FZD7: variants seen among roughly 807,000 people sequenced by gnomAD.
The protein encoded by FZD7 is frizzled-7.
A neutral mutation model predicts 39.0 loss-of-function variants in FZD7; 21 were observed. The ratio of observed to expected loss-of-function variants is 0.54; its 90% confidence interval spans 0.38 to 0.78. The LOEUF (loss-of-function observed/expected upper bound fraction) is 0.78. Among genes scored for constraint, FZD7 ranks in the 30% least tolerant of loss-of-function variants. FZD7 has a pLI of 0.00. For missense variants in FZD7, 695 were observed against 805.0 expected, an observed-to-expected ratio of 0.86 and a Z score of 1.65; for synonymous variants, 428 against 364.9, an observed-to-expected ratio of 1.17 and a Z score of -1.97.
chr2:202,035,167 G>A lies in FZD7; in HGVS notation c.520G>A (p.Gly174Ser). ...NTSDGSGGPG[G>S]GPTAYPTAPY... ...GTCGGACGGCTCCGGGGGCCCAGGC[G>A]GCGGCCCCACTGCCTACCCTACCGC... The change falls in exon 1 of 1, where the codon GGC becomes AGC. Residue 174 changes from glycine (G) to serine (S), a missense_variant. Transcript: ENST00000286201. The A allele has an allele frequency of 1.9e-6, 3 of 1,601,556 alleles. No homozygotes were observed. Among genetic ancestry groups the A allele is most frequent in the Non-Finnish European group, 2.5e-6 (3 of 1,179,374 alleles).
Position 202,037,175 on chromosome 2 carries a change from C to A in FZD7, c.*803C>A, listed in dbSNP as rs919895512. 9 of 167,012 alleles carry A rather than the reference C, an allele frequency of 5.4e-5. No homozygotes were observed. Among genetic ancestry groups the A allele is most frequent in the Admixed American group, 1.3e-4 (2 of 15,266 alleles). 10.3% of individuals were successfully genotyped at this position (167,012 alleles called of 1,614,324 possible). ...GACGGGTGTTTTATTTGGTCTAATA[C>A]CCTGAAAAGAAGTGATGACTTGTTG... On this transcript the variant is annotated 3_prime_UTR_variant, in exon 1 of 1. Transcript: ENST00000286201.
chr2:202,036,688 T>G lies in FZD7; in HGVS notation c.*316T>G. ...AGGTTGAGACCAGCAGAGACTGCTGTGAGTTTCTCCCGGCTCCGAGGCTGA... is the reference window on the plus strand; with the variant it reads ...AGGTTGAGACCAGCAGAGACTGCTGGGAGTTTCTCCCGGCTCCGAGGCTGA... On this transcript the variant is annotated 3_prime_UTR_variant, in exon 1 of 1. Coordinates refer to ENST00000286201, the MANE Select transcript of FZD7 (RefSeq NM_003507.2). 1 of 352,278 alleles carries G rather than the reference T, an allele frequency of 2.8e-6. No individual in the cohort carries two copies. Among genetic ancestry groups the G allele is most frequent in the East Asian group, 6.3e-5 (1 of 15,910 alleles). The allele number at this position is 352,278 out of a possible 1,614,324, so 21.8% of individuals were successfully genotyped here. A position where few individuals can be genotyped will look rare whatever the true frequency, so the allele number is the denominator to read the frequency against.
rs758853443 is a variant in FZD7, at chr2:202,036,276, C to T, written c.1629C>T (p.Thr543=). 1 of 1,613,382 alleles carries T rather than the reference C, an allele frequency of 6.2e-7. No individual in the cohort carries two copies. The highest frequency in any genetic ancestry group is 8.5e-7 in the Non-Finnish European group (1 of 1,179,934). The change falls in exon 1 of 1, where the codon ACC becomes ACT. Residue 543 remains threonine, a synonymous_variant. Coordinates refer to ENST00000286201, the MANE Select transcript of FZD7 (RefSeq NM_003507.2). ...TGATGACCATGATCGTCGGCATCAC[C>T]ACTGGCTTCTGGATCTGGTCGGGCA... ...KYLMTMIVGI[T]TGFWIWSGKT... is the part of the protein sequence containing the mutation.
Position 202,034,873 on chromosome 2 carries a change from C to T in FZD7, c.226C>T (p.Gln76Ter). ...ILPNLLGHTN[Q>*]EDAGLEVHQF... ...GCCCAACCTGCTGGGCCACACGAAC[C>T]AAGAGGACGCGGGCCTCGAGGTGCA... Residue 76 changes from glutamine (Q) to a stop codon, truncating the protein, a stop_gained, in exon 1 of 1, where the codon CAA (glutamine) becomes TAA (stop). Coordinates refer to ENST00000286201, the MANE Select transcript of FZD7 (RefSeq NM_003507.2). LOFTEE classifies it high-confidence loss of function. 6.2e-7 allele frequency: 1 copy of T among 1,614,200 alleles called. No individual in the cohort carries two copies. Among genetic ancestry groups the T allele is most frequent in the Non-Finnish European group, 8.5e-7 (1 of 1,180,036 alleles).
rs552644977 is a variant in FZD7, at chr2:202,034,038, G to C, written c.-610G>C. ...AACTCGCCGTGCTCCCGACTCCGGG[G>C]CCGAGATCGGACTCAGCAAGAGCCG... is the stretch of plus-strand genomic sequence containing the variant. On this transcript the variant is annotated 5_prime_UTR_variant, in exon 1 of 1. Transcript: ENST00000286201. 6.6e-6 allele frequency among the ~76,000 whole-genome samples: 1 copy of C among 152,082 alleles called. No homozygotes were observed. Among genetic ancestry groups the C allele is most frequent in the East Asian group, 1.9e-4 (1 of 5,164 alleles).
Position 202,035,871 on chromosome 2 carries a change from C to A in FZD7, c.1224C>A (p.Ser408Arg). Residue 408 changes from serine (S) to arginine (R), a missense_variant, in exon 1 of 1, where the codon AGC becomes AGA. Ser to Arg is a moderately radical substitution (Grantham distance 110). Transcript: ENST00000286201. ...GCCAGGTAGACGGGGACCTGCTGAG[C>A]GGGGTGTGCTACGTTGGCCTCTCCA... ...AMGQVDGDLL[S>R]GVCYVGLSSV... 6.2e-7 allele frequency: 1 copy of A among 1,614,102 alleles called. No homozygotes were observed. The highest frequency in any genetic ancestry group is 8.5e-7 in the Non-Finnish European group (1 of 1,179,986).
Position 202,036,015 on chromosome 2 carries a change from C to T in FZD7, c.1368C>T (p.His456=), listed in dbSNP as rs1250389157. 2.5e-6 allele frequency: 4 copies of T among 1,614,202 alleles called. No individual in the cohort carries two copies. In the South Asian group the frequency reaches 3.3e-5, roughly 13 times the overall value. ...SLFRIRTIMK[H]DGTKTEKLEK... ...TCCGTATCCGCACCATCATGAAACA[C>T]GACGGCACCAAGACCGAGAAGCTGG... Residue 456 remains histidine (H), a synonymous_variant, in exon 1 of 1, where the codon CAC becomes CAT. Coordinates refer to ENST00000286201, the MANE Select transcript of FZD7 (RefSeq NM_003507.2).
rs1335469598 is a variant in FZD7, at chr2:202,034,252, CG to C, written c.-390del. ...CTCCTAGCGGGGACCGGACCAGGCG[CG>C]GGGGGCGTGCGCGCTGCGGTGCGCC... On this transcript the variant is annotated 5_prime_UTR_variant, in exon 1 of 1. Transcript: ENST00000286201. Among the ~76,000 whole-genome samples, 1 of 151,682 alleles carries C rather than the reference CG, an allele frequency of 6.6e-6. No homozygotes were observed. The highest frequency in any genetic ancestry group is 1.5e-5 in the Non-Finnish European group (1 of 67,888).
In FZD7 at chr2:202,034,938, A is replaced by G. The variant is rs372224443; in HGVS notation, c.291A>G (p.Glu97=). 7 of 1,613,702 alleles carry G rather than the reference A, an allele frequency of 4.3e-6. No homozygotes were observed. Among genetic ancestry groups the G allele is most frequent in the Admixed American group, 1.7e-5 (1 of 60,022 alleles). ...TGGTGAAGGTGCAGTGTTCTCCCGA[A>G]CTCCGCTTTTTCTTATGCTCCATGT... The part of the protein sequence containing the change: ...YPLVKVQCSP[E]LRFFLCSMYA... The change falls in exon 1 of 1, where the codon GAA becomes GAG. Residue 97 remains glutamate (E), a synonymous_variant. Transcript: ENST00000286201.
Position 202,036,193 on chromosome 2 carries a change from C to G in FZD7, c.1546C>G (p.Pro516Ala), listed in dbSNP as rs1287718003. The G allele has an allele frequency of 9.9e-6, 16 of 1,613,444 alleles. No homozygotes were observed. The highest frequency in any genetic ancestry group is 4.2e-6 in the Non-Finnish European group (5 of 1,179,998). The change falls in exon 1 of 1, where the codon CCG (proline) becomes GCG (alanine). Residue 516 changes from proline to alanine, a missense_variant. By Grantham distance (27) the Pro-to-Ala change is conservative. Transcript: ENST00000286201. ...GTGCAAGAGCTATGCCGTGCCCTGC[C>G]CGCCCGGCCACTTCCCGCCCATGAG... is the stretch of plus-strand genomic sequence containing the variant. ...QTCKSYAVPCPPGHFPPMSPD... is the reference protein window; with the variant it reads ...QTCKSYAVPCAPGHFPPMSPD...
chr2:202,036,388 C>A lies in FZD7; in HGVS notation c.*16C>A, dbSNP rs1308291107. 6.3e-7 allele frequency: 1 copy of A among 1,578,074 alleles called. No individual in the cohort carries two copies. The highest frequency in any genetic ancestry group is 1.7e-5 in the Admixed American group (1 of 58,846). On this transcript the variant is annotated 3_prime_UTR_variant, in exon 1 of 1. Coordinates refer to ENST00000286201, the MANE Select transcript of FZD7 (RefSeq NM_003507.2). Reference sequence around the variant, plus strand: ...TGCGGTATGAGCCCCGGCCCCTCCCCACCTTTCCCACCCCAGCCCTCTTGC... The same window carrying A: ...TGCGGTATGAGCCCCGGCCCCTCCCAACCTTTCCCACCCCAGCCCTCTTGC...
rs201296166 is a variant in FZD7 at position 202,034,950 on chromosome 2, C to T, written c.303C>T (p.Phe101=). 7 of 1,614,194 alleles carry T rather than the reference C, an allele frequency of 4.3e-6. No individual in the cohort carries two copies. The Admixed American group carries it at 6.7e-5, about 15-fold the overall frequency. ...KVQCSPELRF[F]LCSMYAPVCT... ...AGTGTTCTCCCGAACTCCGCTTTTT[C>T]TTATGCTCCATGTATGCGCCCGTGT... Residue 101 remains phenylalanine (F), a synonymous_variant, in exon 1 of 1, where the codon TTC becomes TTT. Coordinates refer to ENST00000286201, the MANE Select transcript of FZD7 (RefSeq NM_003507.2).
At position 202,036,263 on chromosome 2, in the gene FZD7, T is replaced by A; in HGVS notation, c.1616T>A (p.Ile539Asn). 6.2e-7 allele frequency: 1 copy of A among 1,613,492 alleles called. No individual in the cohort carries two copies. Among genetic ancestry groups the A allele is most frequent in the Non-Finnish European group, 8.5e-7 (1 of 1,179,982 alleles). ...ATGATCAAGTACCTGATGACCATGA[T>A]CGTCGGCATCACCACTGGCTTCTGG... ...VFMIKYLMTM[I>N]VGITTGFWIW... is the part of the protein sequence containing the mutation. Residue 539 changes from isoleucine (I) to asparagine (N), a missense_variant, in exon 1 of 1, where the codon ATC becomes AAC. Coordinates refer to ENST00000286201, the MANE Select transcript of FZD7 (RefSeq NM_003507.2).
Position 202,037,973 on chromosome 2 carries a change from C to T in FZD7, c.*1601C>T, listed in dbSNP as rs1280288187. On this transcript the variant is annotated 3_prime_UTR_variant, in exon 1 of 1. Coordinates refer to ENST00000286201, the MANE Select transcript of FZD7 (RefSeq NM_003507.2). ...GATTCTTTTGCATGATGGGGTAAAG[C>T]TTAGCAGAGAATCATGGGAGCTAAC... is the stretch of plus-strand genomic sequence containing the variant. 3 of 167,036 alleles carry T rather than the reference C, an allele frequency of 1.8e-5. No homozygotes were observed. In the East Asian group the frequency reaches 5.8e-4, roughly 32 times the overall value. The allele number at this position is 167,036 out of a possible 1,614,324, so 10.3% of individuals were successfully genotyped here.
rs773740238 is a variant in FZD7, at chr2:202,035,682, C to T, written c.1035C>T (p.Phe345=). Residue 345 remains phenylalanine, a synonymous_variant, in exon 1 of 1, where the codon TTC becomes TTT. Coordinates refer to ENST00000286201, the MANE Select transcript of FZD7 (RefSeq NM_003507.2). ...GCTILFMVLY[F]FGMASSIWWV... ...CCATCCTCTTCATGGTGCTCTACTTCTTCGGCATGGCCAGCTCCATCTGGT... is the reference window on the plus strand; with the variant it reads ...CCATCCTCTTCATGGTGCTCTACTTTTTCGGCATGGCCAGCTCCATCTGGT... 23 of 1,613,954 alleles carry T rather than the reference C, an allele frequency of 1.4e-5. No individual in the cohort carries two copies. The highest frequency in any genetic ancestry group is 8.9e-5 in the East Asian group (4 of 44,884).
At position 202,036,556 on chromosome 2, in the gene FZD7, G is replaced by T. The variant is rs13034579; in HGVS notation, c.*184G>T. Reference sequence around the variant, plus strand: ...GGGGTGATTTGGAAAAGAAGACCTGGGTGGAAAGCGGTTTGGATGAAAAGA... The same window carrying T: ...GGGGTGATTTGGAAAAGAAGACCTGTGTGGAAAGCGGTTTGGATGAAAAGA... On this transcript the variant is annotated 3_prime_UTR_variant, in exon 1 of 1. Coordinates refer to ENST00000286201, the MANE Select transcript of FZD7 (RefSeq NM_003507.2). 157,164 of 594,728 alleles carry T rather than the reference G, an allele frequency of 0.26. 22,977 individuals carry two copies. Among genetic ancestry groups the T allele is most frequent in the Non-Finnish European group, 0.3 (100,034 of 329,258 alleles). The allele number at this position is 594,728 out of a possible 1,614,324, so 36.8% of individuals were successfully genotyped here.
chr2:202,034,661 G>T lies in FZD7; in HGVS notation c.14G>T (p.Gly5Val). MRDP[G>V]AAAPLSSLGL... ...TCGCGGCCGGCGATGCGGGACCCCG[G>T]CGCGGCCGCTCCGCTTTCGTCCCTG... Residue 5 changes from glycine (G) to valine (V), a missense_variant, in exon 1 of 1, where the codon GGC (glycine) becomes GTC (valine). Gly to Val is a moderately radical substitution (Grantham distance 109). Coordinates refer to ENST00000286201, the MANE Select transcript of FZD7 (RefSeq NM_003507.2). The T allele has an allele frequency of 6.4e-7, 1 of 1,568,074 alleles. No individual in the cohort carries two copies.
In FZD7 at chr2:202,034,262, G is replaced by T. The variant is rs1229699486; in HGVS notation, c.-386G>T. ...GGACCGGACCAGGCGCGGGGGGCGTGCGCGCTGCGGTGCGCCGGGGGTCCA... is the reference window on the plus strand; with the variant it reads ...GGACCGGACCAGGCGCGGGGGGCGTTCGCGCTGCGGTGCGCCGGGGGTCCA... On this transcript the variant is annotated 5_prime_UTR_variant, in exon 1 of 1. Transcript: ENST00000286201. Among the ~76,000 whole-genome samples, 3 of 151,800 alleles carry T rather than the reference G, an allele frequency of 2.0e-5. No individual in the cohort carries two copies. Among genetic ancestry groups the T allele is most frequent in the Non-Finnish European group, 4.4e-5 (3 of 67,910 alleles).
rs900348672 is a variant in FZD7, at chr2:202,037,413, C to T, written c.*1041C>T. The T allele has an allele frequency of 6.0e-6, 1 of 167,078 alleles. No homozygotes were observed. Among genetic ancestry groups the T allele is most frequent in the Non-Finnish European group, 1.5e-5 (1 of 68,122 alleles). The allele number at this position is 167,078 out of a possible 1,614,324, so 10.3% of individuals were successfully genotyped here. A position where few individuals can be genotyped will look rare whatever the true frequency, so the allele number is the denominator to read the frequency against. On this transcript the variant is annotated 3_prime_UTR_variant, in exon 1 of 1. Transcript: ENST00000286201. Reference sequence around the variant, plus strand: ...GTGAAGAGCAGTGTGCTGTCACACACCGTTAAGCCAGAGGTTCTGACTTCG... The same window carrying T: ...GTGAAGAGCAGTGTGCTGTCACACATCGTTAAGCCAGAGGTTCTGACTTCG...
Sources: gnomAD v4.1 joint callset for allele counts (sites outside exome capture counted in the v4.1 genomes callset) on GRCh38, gnomAD v4.1.1 for gene constraint, MANE v1.5 for transcripts, NCBI Gene and HGNC (gene_info 2026-07-23, HGNC 2026-07-21) for gene names.